Variants in HTR1F observed in about 807,000 individuals in gnomAD.
The protein encoded by HTR1F is 5-hydroxytryptamine receptor 1F.
Under a neutral mutation model 24.0 loss-of-function variants are expected in HTR1F, and 17 were observed. The ratio of observed to expected loss-of-function variants is 0.71; its 90% CI spans 0.48 to 1.06. The LOEUF (loss-of-function observed/expected upper bound fraction) is 1.06, where lower values mean the gene tolerates loss of function less well. HTR1F is among the 50% of genes least tolerant of loss of function. The probability of loss-of-function intolerance (pLI) is 0.00; values close to 1 mark genes in which losing one functional copy is unlikely to be tolerated. For missense variants in HTR1F, 391 were observed against 427.8 expected, an observed-to-expected ratio of 0.91 and a Z score of 0.76; for synonymous variants, 186 against 156.8, an observed-to-expected ratio of 1.19 and a Z score of -1.39.
At chr3:87,861,410 T>C (rs532780032) in intron 2 of HTR1F, among the ~76,000 whole-genome samples, 4 of 152,120 alleles carry the variant, frequency 2.6e-5, no homozygotes, top group Non-Finnish European at 4.4e-5. Flanking sequence ...CTTTACCTCC[T>C]GAAAATGACA....
At chr3:87,837,005 T>C (rs1438077414) in intron 2 of HTR1F, among the ~76,000 whole-genome samples, 1 of 152,102 alleles carries the variant, frequency 6.6e-6, no homozygotes, top group Non-Finnish European at 1.5e-5. Flanking sequence ...TTTTTTGTGA[T>C]AAGAAACATG....
chr3:87,823,448 G>C (rs1220349177), intron 2 of HTR1F, among the ~76,000 whole-genome samples: 3 of 151,616 alleles, frequency 2.0e-5, no homozygotes, highest in Non-Finnish European at 2.9e-5. Flanking sequence ...AACACTTTAG[G>C]AATACATCTT....
intron 1 of HTR1F, among the ~76,000 whole-genome samples, chr3:87,819,525 C>T (rs1381002981): frequency 6.6e-6 from 1 of 151,460 alleles, no homozygotes; most frequent in East Asian, 1.9e-4. Flanking sequence ...TTCTCTCTTG[C>T]CTTTTTTTAA....
intron 2 of HTR1F, among the ~76,000 whole-genome samples, chr3:87,917,413 T>G (rs1233819488): frequency 7.0e-6 from 1 of 143,490 alleles, no homozygotes; most frequent in Non-Finnish European, 1.5e-5. Context: ...AAAAGTTAAA[T>G]GAAACAAGAA....
intron 2 of HTR1F, among the ~76,000 whole-genome samples, chr3:87,876,450 A>G (rs1322946376): frequency 6.6e-6 from 1 of 152,224 alleles, no homozygotes; most frequent in Non-Finnish European, 1.5e-5. Context: ...AAAGAAAGAC[A>G]TCTTGTCACA....
chr3:87,804,523 A>G (rs1243143922), intron 1 of HTR1F, among the ~76,000 whole-genome samples: 1 of 152,196 alleles, frequency 6.6e-6, no homozygotes, highest in Non-Finnish European at 1.5e-5. Context: ...AGCCAAAATT[A>G]TATATCTCAA....
chr3:87,949,135 G>A (rs1411209156), intron 2 of HTR1F, among the ~76,000 whole-genome samples: 1 of 152,082 alleles, frequency 6.6e-6, no homozygotes, highest in Non-Finnish European at 1.5e-5. Flanking sequence ...GTTCTTCAAA[G>A]CCAAAAGAGT....
intron 2 of HTR1F, among the ~76,000 whole-genome samples, chr3:87,916,969 A>G (rs1292684980): frequency 1.3e-5 from 2 of 152,076 alleles, no homozygotes; most frequent in Non-Finnish European, 2.9e-5. Flanking sequence ...AGACCACAAA[A>G]CAATTCTCAA....
intron 2 of HTR1F, among the ~76,000 whole-genome samples, chr3:87,983,532 C>G (rs2107516592): frequency 6.6e-6 from 1 of 152,232 alleles, no homozygotes; most frequent in East Asian, 1.9e-4. Context: ...TACCTGAGCC[C>G]ACTTTACACC....
chr3:87,965,017 T>C (rs531268031), intron 2 of HTR1F, among the ~76,000 whole-genome samples: 4 of 152,304 alleles, frequency 2.6e-5, no homozygotes, highest in South Asian at 4.1e-4. Context: ...TGCTCCTCCT[T>C]TGCCTTCTGC....
At chr3:87,964,349 A>G (rs1329016699) in intron 2 of HTR1F, among the ~76,000 whole-genome samples, 1 of 152,154 alleles carries the variant, frequency 6.6e-6, no homozygotes, top group Non-Finnish European at 1.5e-5. Context: ...AAAATAAGCA[A>G]CATGGAGTAA....
At chr3:87,980,398 G>C (rs1705514669) in intron 2 of HTR1F, among the ~76,000 whole-genome samples, 1 of 152,170 alleles carries the variant, frequency 6.6e-6, no homozygotes, top group Non-Finnish European at 1.5e-5. Flanking sequence ...CCATGGGCAG[G>C]TCATCTTGTC....
Position 87,942,450 on chromosome 3 carries a change from C to T in HTR1F, c.-42-48258C>T, listed in dbSNP as rs565853192. ...CGGGGCTCTGTGAGGGTGACGGCAT[C>T]GGCTGGCGCTTGCCCCGGGCACCCT... On this transcript the variant is annotated intron_variant, in intron 2 of 2. Transcript: ENST00000319595. Among the ~76,000 whole-genome samples the T allele has an allele frequency of 2.6e-3, 398 of 152,234 alleles. 4 individuals carry two copies. The South Asian group carries it at 0.043, about 16-fold the overall frequency.
chr3:87,851,702 A>G (rs376796750), intron 2 of HTR1F, among the ~76,000 whole-genome samples: 37 of 151,644 alleles, frequency 2.4e-4, no homozygotes, highest in African/African-American at 9.0e-4. Flanking sequence ...CTGAACATCT[A>G]TCCTAATGAA....
intron 2 of HTR1F, among the ~76,000 whole-genome samples, chr3:87,912,442 C>G (rs767209114): frequency 9.9e-5 from 15 of 151,940 alleles, no homozygotes; most frequent in Non-Finnish European, 1.6e-4. Context: ...AATGGAAAAA[C>G]ATTCCATGCT....
intron 2 of HTR1F, among the ~76,000 whole-genome samples, chr3:87,929,487 A>T (rs1489760519): frequency 6.6e-6 from 1 of 152,128 alleles, no homozygotes; most frequent in East Asian, 1.9e-4. Flanking sequence ...TAATAATAGG[A>T]TATAATTTAT....
In HTR1F at chr3:87,853,130, C is replaced by A. The variant is rs1019049476; in HGVS notation, c.-43+31006C>A. ...TTCTTTGTTTGTTATAAACTCATGT[C>A]ATGCGAGTGTGTTGTACAGATTATT... On this transcript the variant is annotated intron_variant, in intron 2 of 2. Transcript: ENST00000319595. 2.7e-5 allele frequency among the ~76,000 whole-genome samples: 4 copies of A among 150,022 alleles called. 1 individual carries two copies. The highest frequency in any genetic ancestry group is 7.6e-5 in the African/African-American group (3 of 39,572).
intron 2 of HTR1F, among the ~76,000 whole-genome samples, chr3:87,865,351 C>CAAG (rs1386305771): frequency 6.6e-6 from 1 of 151,970 alleles, no homozygotes; most frequent in Non-Finnish European, 1.5e-5. Context: ...GCACAGATAA[C>CAAG]AAGTGTACCA....
chr3:87,908,965 T>A (rs1703720817), intron 2 of HTR1F, among the ~76,000 whole-genome samples: 1 of 152,094 alleles, frequency 6.6e-6, no homozygotes, highest in Non-Finnish European at 1.5e-5. Context: ...TTGCACAGGT[T>A]ATTTTATGTT....
Sources: allele counts gnomAD v4.1 joint callset (sites outside exome capture counted in the v4.1 genomes callset), GRCh38; gene constraint gnomAD v4.1.1; transcripts MANE v1.5; gene names NCBI Gene and HGNC (gene_info 2026-07-23, HGNC 2026-07-21).